Variants in MYH10 observed in about 807,000 individuals in gnomAD.
MYH10 encodes the protein myosin heavy chain 10.
A neutral mutation model predicts 257.8 loss-of-function variants in MYH10; 55 were observed. The observed-to-expected ratio is 0.21, with a 90% CI of 0.17 to 0.27. The LOEUF (loss-of-function observed/expected upper bound fraction) is 0.27. Among genes scored for constraint, MYH10 ranks in the 10% least tolerant of loss-of-function variants. MYH10 has a pLI of 1.00. For missense variants in MYH10, 1,631 were observed against 2,500.6 expected (o/e 0.65, Z 7.42); for synonymous variants, 854 against 921.7 (o/e 0.93, Z 1.33).
chr17:8,506,582 C>T lies in MYH10; in HGVS notation c.3215-93G>A. ...CAGACTGATCCAAGTTGAAAATAAG[C>T]CATTTTATTCAAAAGCATGTCACTG... On this transcript the variant is annotated intron_variant, in intron 26 of 42. Transcript: ENST00000360416. This position sits in a 1 kb window ranked among gnomAD's most constrained non-coding sequence, Gnocchi z 5.0. 7.4e-6 allele frequency: 10 copies of T among 1,351,768 alleles called. No individual in the cohort carries two copies. Among genetic ancestry groups the T allele is most frequent in the Non-Finnish European group, 1.0e-5 (10 of 976,502 alleles). 83.7% of individuals were successfully genotyped at this position (1,351,768 alleles called of 1,614,324 possible).
At chr17:8,512,699 T>C in intron 23 of MYH10, 42 bp from the exon 24 acceptor site, 2 of 1,525,944 alleles carry the variant, frequency 1.3e-6, no homozygotes, top group Non-Finnish European at 1.8e-6. Flanking sequence ...CCCTATTACA[T>C]ACGTACACAG....
intron 17 of MYH10, among the ~76,000 whole-genome samples, chr17:8,525,926 G>A (rs1396982557): frequency 6.6e-6 from 1 of 152,070 alleles, no homozygotes; most frequent in Non-Finnish European, 1.5e-5. Context: ...TTGAGTAGCT[G>A]GGACTATAGG....
In MYH10 at chr17:8,509,926, C is replaced by G; in HGVS notation, c.2976G>C (p.Glu992Asp). 2 of 1,612,596 alleles carry G rather than the reference C, an allele frequency of 1.2e-6. No homozygotes were observed. Among genetic ancestry groups the G allele is most frequent in the Non-Finnish European group, 1.7e-6 (2 of 1,179,310 alleles). ...GCAGCTTTTGCCGAGCCCCTTCCTC[C>G]TCGTCTAGCTGTTCTTCCAGGTCCT... ...HIQDLEEQLD[E>D]EEGARQKLQL... is the part of the protein sequence containing the mutation. The change falls in exon 25 of 43, where the codon GAG (glutamate) becomes GAC (aspartate). Residue 992 changes from glutamate to aspartate, a missense_variant. By Grantham distance (45) the Glu-to-Asp change is conservative. This residue lies in a region of MYH10 where 169 missense variants were observed against 249.8 expected (regional missense o/e 0.68). Coordinates refer to ENST00000360416, the MANE Select transcript of MYH10 (RefSeq NM_001256012.3).
intron 29 of MYH10, among the ~76,000 whole-genome samples, chr17:8,500,497 G>A (rs942843571): frequency 3.9e-5 from 6 of 152,192 alleles, no homozygotes; most frequent in Admixed American, 3.3e-4. Context: ...CAGCAGACAA[G>A]TTAGGGAAGA....
At chr17:8,522,004 T>C (rs1056843863) in intron 17 of MYH10, among the ~76,000 whole-genome samples, 1 of 152,224 alleles carries the variant, frequency 6.6e-6, no homozygotes, top group African/African-American at 2.4e-5. Context: ...CAGCAACCGA[T>C]AGTTTTACAT....
chr17:8,574,015 AT>A, intron 6 of MYH10: 1 of 161,980 alleles, frequency 6.2e-6, no homozygotes, highest in Non-Finnish European at 1.3e-5. Context: ...TGACCCAGCA[AT>A]TTTACCTCTA....
chr17:8,585,286 G>GCATATATATATATATATATATATATA (rs2083866097), intron 4 of MYH10, among the ~76,000 whole-genome samples: 2 of 84,606 alleles, frequency 2.4e-5, no homozygotes, highest in Non-Finnish European at 4.7e-5. Context: ...ATGTGTGTGT[G>GCATATATATATATATATATATATATA]TGTATATATA....
chr17:8,532,830 CACAT>C (rs2082041512), intron 16 of MYH10, among the ~76,000 whole-genome samples: 1 of 152,154 alleles, frequency 6.6e-6, no homozygotes, highest in South Asian at 2.1e-4. Context: ...CCATGGGAAG[CACAT>C]ACTTAGGTAT....
intron 37 of MYH10, among the ~76,000 whole-genome samples, chr17:8,481,661 A>C (rs545208094): frequency 6.6e-6 from 1 of 152,182 alleles, no homozygotes; most frequent in African/African-American, 2.4e-5. Flanking sequence ...CTTTGCTGTC[A>C]CCTCCAACGT....
chr17:8,480,683 C>T, intron 38 of MYH10, 158 bp from the exon 39 acceptor site: 1 of 903,900 alleles, frequency 1.1e-6, no homozygotes, highest in East Asian at 2.7e-5. Context: ...TCAGTAGGTC[C>T]CACTGATGAC....
At chr17:8,562,626 AT>A (rs1180565205) in intron 7 of MYH10, among the ~76,000 whole-genome samples, 1 of 152,210 alleles carries the variant, frequency 6.6e-6, no homozygotes, top group Non-Finnish European at 1.5e-5. Flanking sequence ...AAACAAAAGC[AT>A]GGAAAACCCC....
chr17:8,592,928 T>A (rs1597917976), intron 3 of MYH10, among the ~76,000 whole-genome samples: 1 of 80,160 alleles, frequency 1.2e-5, no homozygotes. Flanking sequence ...GTAAATCAAA[T>A]CCAGCTATAT....
At position 8,492,471 on chromosome 17, in the gene MYH10, G is replaced by C. The variant is rs139926963; in HGVS notation, c.4497C>G (p.Ala1499=). 3.7e-6 allele frequency: 6 copies of C among 1,612,104 alleles called. No homozygotes were observed. In the African/African-American group the frequency reaches 5.3e-5, roughly 14 times the overall value. ...CGGCTTCGGCCCGGTCCCGCTCTTC[G>C]GCATAGCGAGCAGAGATGCTCTTCT... The part of the protein sequence containing the change: ...AEEKSISARY[A]EERDRAEAEA... The change falls in exon 34 of 43, where the codon GCC becomes GCG. Residue 1499 remains alanine (A), a synonymous_variant. Transcript: ENST00000360416.
At chr17:8,518,050 GAGAAGCATTCTC>G in intron 21 of MYH10, among the ~76,000 whole-genome samples, 1 of 148,066 alleles carries the variant, frequency 6.8e-6, no homozygotes, top group African/African-American at 2.5e-5. Context: ...GTGTGTGTGT[GAGAAGCATTCTC>G]TGAGGACTTG....
intron 24 of MYH10, chr17:8,511,061 C>CATATATATATATATATATATAT (rs1567823709): frequency 1.5e-5 from 1 of 65,696 alleles, no homozygotes; most frequent in South Asian, 4.6e-4. Flanking sequence ...TATATATATA[C>CATATATATATATATATATATAT]ACACATACAT....
At position 8,484,066 on chromosome 17, in the gene MYH10, CTTT is replaced by C. The variant is rs1237295520; in HGVS notation, c.5175+69_5175+71del. 6 of 1,402,340 alleles carry C rather than the reference CTTT, an allele frequency of 4.3e-6. No homozygotes were observed. In the African/African-American group the frequency reaches 8.9e-5, roughly 21 times the overall value. The allele number at this position is 1,402,340 out of a possible 1,614,324, so 86.9% of individuals were successfully genotyped here. The stretch of plus-strand genomic sequence containing the variant: ...TTACAGTGGGCTACAAATATATTAA[CTTT>C]TTTTTGATCTTGGAGAAATTTCAAG... On this transcript the variant is annotated intron_variant, in intron 37 of 42. Coordinates refer to ENST00000360416, the MANE Select transcript of MYH10 (RefSeq NM_001256012.3).
At chr17:8,524,286 C>T (rs181148657) in intron 17 of MYH10, among the ~76,000 whole-genome samples, 9 of 151,528 alleles carry the variant, frequency 5.9e-5, no homozygotes, top group African/African-American at 1.9e-4. Context: ...ACTAAAAGTA[C>T]AACAAATACA....
At chr17:8,543,443 C>T (rs570759821) in intron 13 of MYH10, among the ~76,000 whole-genome samples, 1 of 151,460 alleles carries the variant, frequency 6.6e-6, no homozygotes, top group East Asian at 1.9e-4. Context: ...ATGATGACAT[C>T]CTATTGCTCT....
At chr17:8,478,994 A>C (rs1354960662) in intron 40 of MYH10, among the ~76,000 whole-genome samples, 1 of 152,302 alleles carries the variant, frequency 6.6e-6, no homozygotes, top group Admixed American at 6.5e-5. Flanking sequence ...GGCCTCCCAA[A>C]GTGCTGGGAT....
Sources: gnomAD v4.1 joint callset for allele counts (sites outside exome capture counted in the v4.1 genomes callset) on GRCh38, gnomAD v4.1.1 for gene constraint, gnomAD v4.1.1 regional missense constraint, Gnocchi (gnomAD v3.1) non-coding constraint, MANE v1.5 for transcripts, NCBI Gene and HGNC (gene_info 2026-07-23, HGNC 2026-07-21) for gene names.